The following ZRANB1 variants were observed in gnomAD, a reference collection of about 807,000 sequenced individuals.
ZRANB1 encodes ubiquitin thioesterase ZRANB1.
Under a neutral mutation model 80.5 loss-of-function variants are expected in ZRANB1, and 16 were observed. The observed-to-expected ratio is 0.20, with a 90% CI of 0.13 to 0.30. ZRANB1 has a LOEUF of 0.30. ZRANB1 is among the 10% of genes least tolerant of loss of function. The pLI is 1.00. For synonymous variants in ZRANB1, 291 were observed against 293.1 expected (o/e 0.99, Z 0.07); for missense variants, 576 against 862.6 (o/e 0.67, Z 4.16).
In ZRANB1 at chr10:124,943,323, C is replaced by G; in HGVS notation, c.814+16C>G. ...GCTTGTGTGGGTAAGTTTCTGTATT[C>G]TGCATTTTTTGCGTGGGATGGGAAA... On this transcript the variant is annotated intron_variant, in intron 1 of 8. Transcript: ENST00000359653. 2 of 1,593,272 alleles carry G rather than the reference C, an allele frequency of 1.3e-6. No homozygotes were observed. Among genetic ancestry groups the G allele is most frequent in the Non-Finnish European group, 1.7e-6 (2 of 1,169,272 alleles).
intron 1 of ZRANB1, among the ~76,000 whole-genome samples, chr10:124,957,007 T>A (rs1371753231): frequency 1.3e-5 from 2 of 152,234 alleles, no homozygotes; most frequent in Non-Finnish European, 2.9e-5. Flanking sequence ...CATTTTTTCC[T>A]ACACAACCAC....
At chr10:124,957,730 C>T (rs77862003) in intron 1 of ZRANB1, among the ~76,000 whole-genome samples, 1 of 151,768 alleles carries the variant, frequency 6.6e-6, no homozygotes, top group African/African-American at 2.4e-5. Context: ...GAATTTCCTT[C>T]CTTTTTTTTT....
chr10:124,974,541 T>A, intron 5 of ZRANB1, 143 bp downstream of exon 5: 1 of 800,490 alleles, frequency 1.2e-6, no homozygotes, highest in Non-Finnish European at 1.9e-6. Flanking sequence ...TAAAATACTT[T>A]GAACACGTCC....
chr10:124,922,262 T>TATATATATATATATGTAAA, the ZRANB1 span, among the ~76,000 whole-genome samples: 6 of 100,572 alleles, frequency 6.0e-5, no homozygotes, highest in Middle Eastern at 4.5e-3. Context: ...ATATGTAAAA[T>TATATATATATATATGTAAA]ATATATATAT....
the ZRANB1 span, among the ~76,000 whole-genome samples, chr10:124,936,832 C>T: frequency 6.6e-6 from 1 of 151,986 alleles, no homozygotes. Flanking sequence ...TCTTTATATC[C>T]CTAAGATGTT....
chr10:124,957,519 A>G (rs1023054009), intron 1 of ZRANB1, among the ~76,000 whole-genome samples: 1 of 152,044 alleles, frequency 6.6e-6, no homozygotes, highest in African/African-American at 2.4e-5. Context: ...GCTTTTTTAC[A>G]TCTTGGAAAA....
chr10:124,917,623 C>G, the ZRANB1 span, among the ~76,000 whole-genome samples: 4 of 152,340 alleles, frequency 2.6e-5, no homozygotes, highest in African/African-American at 9.6e-5. Flanking sequence ...TGGGGTTTCG[C>G]TCCCACTCCG....
At chr10:124,955,702 T>C (rs570002038) in intron 1 of ZRANB1, among the ~76,000 whole-genome samples, 3 of 152,330 alleles carry the variant, frequency 2.0e-5, no homozygotes, top group Non-Finnish European at 4.4e-5. Context: ...TTTTCAAGTT[T>C]TTAAGGATTT....
In ZRANB1 at chr10:124,942,258, T is replaced by G; in HGVS notation, c.-236T>G. 7.4e-7 allele frequency: 1 copy of G among 1,353,148 alleles called. No individual in the cohort carries two copies. The highest frequency in any genetic ancestry group is 9.5e-7 in the Non-Finnish European group (1 of 1,053,960). 83.8% of individuals were successfully genotyped at this position (1,353,148 alleles called of 1,614,324 possible). On this transcript the variant is annotated 5_prime_UTR_variant, in exon 1 of 9. An upstream open reading frame in the 5' UTR loses its in-frame stop. Transcript: ENST00000359653. The stretch of plus-strand genomic sequence containing the variant: ...TTCAGTTTTATTAAATCCCAGGGTC[T>G]AAGATTTTTTCTTTGAGAATTTATC...
chr10:124,976,664 C>T (rs943179109), intron 5 of ZRANB1, among the ~76,000 whole-genome samples: 5 of 141,740 alleles, frequency 3.5e-5, no homozygotes, highest in Non-Finnish European at 4.5e-5. Flanking sequence ...CTCTGCCTCC[C>T]GGGTTCAAGC....
chr10:124,937,027 T>A, the ZRANB1 span, among the ~76,000 whole-genome samples: 1 of 152,090 alleles, frequency 6.6e-6, no homozygotes, highest in African/African-American at 2.4e-5. Context: ...CAATCTCTGC[T>A]CACTACAACC....
At chr10:124,932,794 C>T in the ZRANB1 span, among the ~76,000 whole-genome samples, 1 of 152,010 alleles carries the variant, frequency 6.6e-6, no homozygotes, top group African/African-American at 2.4e-5. Flanking sequence ...AACTCCTGAC[C>T]TCAGGTGATC....
intron 1 of ZRANB1, 93 bp downstream of exon 1, chr10:124,943,400 G>A (rs546868578): frequency 2.6e-5 from 33 of 1,266,218 alleles, no homozygotes; most frequent in Non-Finnish European, 3.2e-5. Flanking sequence ...CACGTTTGTG[G>A]TCTTAGCCAC....
rs1424057154 is a variant in ZRANB1, at chr10:124,984,854, C to T, written c.1989C>T (p.Ala663=). 2 of 1,613,764 alleles carry T rather than the reference C, an allele frequency of 1.2e-6. No homozygotes were observed. The highest frequency in any genetic ancestry group is 1.1e-5 in the South Asian group (1 of 91,064). Residue 663 remains alanine (A), a synonymous_variant, in exon 9 of 9, where the codon GCC becomes GCT. Transcript: ENST00000359653. ...CCVTEGGVLV[A]MQKSSRRRNH... ...TGACGGAGGGGGGAGTTCTGGTTGC[C>T]ATGCAGAAGAGTTCTCGGCGGCGAA...
chr10:124,965,355 G>A (rs922598561), intron 1 of ZRANB1, among the ~76,000 whole-genome samples: 1 of 152,124 alleles, frequency 6.6e-6, no homozygotes, highest in African/African-American at 2.4e-5. Flanking sequence ...TTGAGGAGAG[G>A]ATCGAAATTT....
rs752138326 is a variant in ZRANB1 at position 124,983,579 on chromosome 10, G to A, written c.1799G>A (p.Arg600Gln). The A allele has an allele frequency of 2.5e-6, 4 of 1,614,106 alleles. No homozygotes were observed. The highest frequency in any genetic ancestry group is 2.2e-5 in the East Asian group (1 of 44,878). The change falls in exon 8 of 9, where the codon CGA (arginine) becomes CAA (glutamine). Residue 600 changes from arginine to glutamine, a missense_variant. Arg to Gln is a conservative substitution (Grantham distance 43). This residue lies in a region of ZRANB1 where 152 missense variants were observed against 221.9 expected (regional missense o/e 0.69). Transcript: ENST00000359653. The surrounding 1 kb of genome is among the most constrained non-coding windows in gnomAD (Gnocchi z 6.2). ...VAMENDGYGN[R>Q]GAGANLNTDD... ...ATGGAAAATGATGGCTATGGCAACC[G>A]AGGTGCTGGTGCTAATCTCAATACC...
chr10:124,941,160 T>C (rs908841695), upstream of ZRANB1, among the ~76,000 whole-genome samples: 10 of 151,116 alleles, frequency 6.6e-5, no homozygotes, highest in Middle Eastern at 3.4e-3. Flanking sequence ...TTGATAAAAG[T>C]ATTTAGGAAA....
rs995839814 is a variant in ZRANB1, at chr10:124,949,002, T to C, written c.814+5695T>C. On this transcript the variant is annotated intron_variant, in intron 1 of 8. Coordinates refer to ENST00000359653, the MANE Select transcript of ZRANB1 (RefSeq NM_017580.3). ...GGGCTCAACCCAGGAGAGCCAGTTT[T>C]ACTTCTCACTGGTTGTCAGGAAGAC... is the stretch of plus-strand genomic sequence containing the variant. Among the ~76,000 whole-genome samples, 38 of 152,034 alleles carry C rather than the reference T, an allele frequency of 2.5e-4. 1 individual carries two copies. The highest frequency in any genetic ancestry group is 1.0e-4 in the Non-Finnish European group (7 of 67,902).
intron 6 of ZRANB1, among the ~76,000 whole-genome samples, chr10:124,982,579 ACTC>A (rs1009461168): frequency 2.0e-5 from 3 of 150,738 alleles, no homozygotes; most frequent in African/African-American, 4.9e-5. Context: ...ATATACAACT[ACTC>A]CTTTTTTTTT....
Sources: gnomAD v4.1 joint callset for allele counts (sites outside exome capture counted in the v4.1 genomes callset) on GRCh38, gnomAD v4.1.1 for gene constraint, gnomAD v4.1.1 regional missense constraint, Gnocchi (gnomAD v3.1) non-coding constraint, MANE v1.5 for transcripts, NCBI Gene and HGNC (gene_info 2026-07-23, HGNC 2026-07-21) for gene names.